Variants in RBMS3 observed in about 807,000 individuals in gnomAD.
The protein encoded by RBMS3 is RNA binding motif single stranded interacting protein 3.
Under a neutral mutation model 66.8 loss-of-function variants are expected in RBMS3, and 27 were observed. The ratio of observed to expected loss-of-function variants is 0.40; its 90% confidence interval spans 0.30 to 0.56. RBMS3 has a LOEUF of 0.56. Ranked by LOEUF, RBMS3 falls within the 20% of genes least tolerant of loss-of-function variation. The pLI is 0.40. For missense variants in RBMS3, 513 were observed against 549.5 expected (o/e 0.93, Z 0.66); for synonymous variants, 188 against 183.0 (o/e 1.03, Z -0.22).
At chr3:29,464,183 A>C (rs1191959753) in intron 2 of RBMS3, among the ~76,000 whole-genome samples, 1 of 152,114 alleles carries the variant, frequency 6.6e-6, no homozygotes, top group Non-Finnish European at 1.5e-5. Context: ...AAATATAAAG[A>C]AATATAAGAA....
intron 1 of RBMS3, chr3:29,390,985 G>A (rs965994236): frequency 5.4e-5 from 16 of 293,756 alleles, no homozygotes; most frequent in African/African-American, 2.8e-4. Flanking sequence ...CAAAAGCCAC[G>A]CCCATCTCTG....
intron 3 of RBMS3, among the ~76,000 whole-genome samples, chr3:29,497,828 C>A (rs1451349303): frequency 6.6e-6 from 1 of 152,022 alleles, no homozygotes; most frequent in Non-Finnish European, 1.5e-5. Flanking sequence ...CAGTGCTTTA[C>A]CTCTGTCTCT....
intron 4 of RBMS3, among the ~76,000 whole-genome samples, chr3:29,690,481 C>T (rs983796367): frequency 1.3e-5 from 2 of 152,198 alleles, no homozygotes; most frequent in African/African-American, 2.4e-5. Flanking sequence ...TCTGTTATAA[C>T]TGATTCAAAT....
chr3:29,730,819 G>A (rs766014140), intron 4 of RBMS3: 3 of 933,342 alleles, frequency 3.2e-6, no homozygotes, highest in Non-Finnish European at 2.6e-6. Flanking sequence ...TTGTGATATG[G>A]TAATATATTA....
intron 1 of RBMS3, among the ~76,000 whole-genome samples, chr3:29,357,051 A>G (rs1427922906): frequency 1.3e-5 from 2 of 151,916 alleles, no homozygotes; most frequent in Non-Finnish European, 2.9e-5. Flanking sequence ...ATTTTTATAT[A>G]TATATTTTTT....
chr3:29,731,695 A>G (rs74330708), intron 4 of RBMS3, among the ~76,000 whole-genome samples: 2,958 of 152,224 alleles, frequency 0.019, 111 homozygotes, highest in African/African-American at 0.066. Flanking sequence ...TCCTAGTGGG[A>G]AGTTCAGAGC....
chr3:29,768,175 A>G (rs941594471), intron 6 of RBMS3, among the ~76,000 whole-genome samples: 5 of 151,972 alleles, frequency 3.3e-5, no homozygotes, highest in Admixed American at 6.6e-5. Flanking sequence ...TGCATCAAAC[A>G]TACTTTGTTG....
chr3:29,732,554 G>A (rs7646945), intron 4 of RBMS3, among the ~76,000 whole-genome samples: 85,858 of 151,632 alleles, frequency 0.57, 24,825 homozygotes, highest in African/African-American at 0.69. Flanking sequence ...AAGTATGGCT[G>A]AAACAGCAGG....
chr3:29,303,393 G>A (rs2033804593), intron 1 of RBMS3, among the ~76,000 whole-genome samples: 1 of 151,954 alleles, frequency 6.6e-6, no homozygotes, highest in East Asian at 1.9e-4. Context: ...TGTGGTGCTT[G>A]GCATCAGGTT....
intron 4 of RBMS3, among the ~76,000 whole-genome samples, chr3:29,602,556 A>G (rs530317047): frequency 6.6e-6 from 1 of 152,144 alleles, no homozygotes; most frequent in Admixed American, 6.6e-5. Context: ...ATGTAACCAT[A>G]ATGCAAAATA....
chr3:29,714,310 T>G (rs1445567010), intron 4 of RBMS3, among the ~76,000 whole-genome samples: 2 of 152,186 alleles, frequency 1.3e-5, no homozygotes, highest in Non-Finnish European at 2.9e-5. Context: ...ATATGAAATA[T>G]CAAAGAGAGG....
chr3:29,995,158 G>A (rs1389554897), intron 14 of RBMS3, among the ~76,000 whole-genome samples: 5 of 152,194 alleles, frequency 3.3e-5, no homozygotes, highest in African/African-American at 9.6e-5. Flanking sequence ...CGATCAACTG[G>A]AAGAAAGGGG....
chr3:29,985,159 T>C (rs62235532), intron 12 of RBMS3, among the ~76,000 whole-genome samples: 25,924 of 152,136 alleles, frequency 0.17, 2,599 homozygotes, highest in East Asian at 0.34. Flanking sequence ...TTTGAACATC[T>C]CAGCAGCTTT....
chr3:29,697,042 G>A lies in RBMS3; in HGVS notation c.400-42678G>A, dbSNP rs567665408. On this transcript the variant is annotated intron_variant, in intron 4 of 14. Transcript: ENST00000383767. Reference sequence around the variant, plus strand: ...GGACAACAGAGATTATCCAGCCAGAGAAGTTCTTACATAAAGAAATGCAGG... The same window carrying A: ...GGACAACAGAGATTATCCAGCCAGAAAAGTTCTTACATAAAGAAATGCAGG... 3.5e-5 allele frequency: 34 copies of A among 985,272 alleles called. 1 individual carries two copies. The South Asian group carries it at 8.0e-4, about 23-fold the overall frequency. The allele number at this position is 985,272 out of a possible 1,614,324, so 61.0% of individuals were successfully genotyped here.
chr3:29,397,895 A>G (rs889589913), intron 1 of RBMS3, among the ~76,000 whole-genome samples: 2 of 152,136 alleles, frequency 1.3e-5, no homozygotes, highest in African/African-American at 4.8e-5. Flanking sequence ...AGGTGATTCC[A>G]TAGCCATAGG....
intron 7 of RBMS3, among the ~76,000 whole-genome samples, chr3:29,883,065 A>G (rs2059774356): frequency 6.6e-6 from 1 of 152,112 alleles, no homozygotes; most frequent in South Asian, 2.1e-4. Flanking sequence ...AAAAGAAAAA[A>G]AAATCTACCC....
intron 4 of RBMS3, among the ~76,000 whole-genome samples, chr3:29,625,739 A>AATAT (rs150565021): frequency 0.036 from 5,457 of 150,166 alleles, 207 homozygotes; most frequent in Middle Eastern, 0.069. Flanking sequence ...TAAATAAATA[A>AATAT]AAATAATCTT....
At chr3:29,750,249 C>A (rs1056732268) in intron 5 of RBMS3, among the ~76,000 whole-genome samples, 1 of 152,056 alleles carries the variant, frequency 6.6e-6, no homozygotes, top group Non-Finnish European at 1.5e-5. Flanking sequence ...AATCTTTATT[C>A]AAGAATTCTT....
intron 12 of RBMS3, among the ~76,000 whole-genome samples, chr3:29,961,617 A>C (rs1162936212): frequency 6.6e-6 from 1 of 152,130 alleles, no homozygotes. Context: ...GAAACTTACA[A>C]CAATCATGGT....
Sources: allele counts gnomAD v4.1 joint callset (sites outside exome capture counted in the v4.1 genomes callset), GRCh38; gene constraint gnomAD v4.1.1; transcripts MANE v1.5; gene names NCBI Gene and HGNC (gene_info 2026-07-23, HGNC 2026-07-21).